The following PAPPA2 variants were observed in gnomAD, a reference collection of about 807,000 sequenced individuals.
The protein encoded by PAPPA2 is pappalysin-2.
PAPPA2 carries 86 observed loss-of-function variants against 176.4 expected under a neutral mutation model. That is an observed-to-expected ratio of 0.49 (90% confidence interval 0.41 to 0.58). The LOEUF (loss-of-function observed/expected upper bound fraction) is 0.58. Among genes scored for constraint, PAPPA2 ranks in the 20% least tolerant of loss-of-function variants. The probability of loss-of-function intolerance (pLI) is 0.00; values close to 1 mark genes in which losing one functional copy is unlikely to be tolerated. For synonymous variants in PAPPA2, 809 were observed against 852.2 expected (o/e 0.95, Z 0.88); for missense variants, 2,073 against 2,256.9 (o/e 0.92, Z 1.65).
In PAPPA2 at chr1:176,616,885, C is replaced by T. The variant is rs370608401; in HGVS notation, c.1991+21290C>T. 2.1e-4 allele frequency: 94 copies of T among 440,408 alleles called. 1 individual carries two copies. The Middle Eastern group carries it at 2.8e-3, about 13-fold the overall frequency. The allele number at this position is 440,408 out of a possible 1,614,324, so 27.3% of individuals were successfully genotyped here. A position where few individuals can be genotyped will look rare whatever the true frequency, so the allele number is the denominator to read the frequency against. ...AGAAACTGAAGTCGACTTCAATATA[C>T]TCCACTTGAAATTCTCAGTGCTTTG... On this transcript the variant is annotated intron_variant, in intron 3 of 22. Coordinates refer to ENST00000367662, the MANE Select transcript of PAPPA2 (RefSeq NM_020318.3).
chr1:176,623,821 C>CTTTCT (rs1341133601), intron 3 of PAPPA2, among the ~76,000 whole-genome samples: 8 of 48,110 alleles, frequency 1.7e-4, no homozygotes, highest in South Asian at 8.7e-4. Flanking sequence ...TTTCTTTCTT[C>CTTTCT]TCTCTCTCTC....
At chr1:176,776,891 G>GTAT (rs200866954) in intron 17 of PAPPA2, among the ~76,000 whole-genome samples, 2 of 150,902 alleles carry the variant, frequency 1.3e-5, no homozygotes, top group Non-Finnish European at 3.0e-5. Context: ...ATATTTTAGT[G>GTAT]TATTATTATT....
Position 176,789,799 on chromosome 1 carries a change from G to A in PAPPA2, c.4716-10G>A. 12 of 1,608,786 alleles carry A rather than the reference G, an allele frequency of 7.5e-6. No individual in the cohort carries two copies. The highest frequency in any genetic ancestry group is 1.0e-5 in the Non-Finnish European group (12 of 1,177,340). On this transcript the variant is annotated splice_polypyrimidine_tract_variant and intron_variant, in intron 17 of 22. Transcript: ENST00000367662. ...TTCTGATGAGCTATTTTTGTTTTAT[G>A]TTTTATCAGCAAGCTCCTGAAGATA...
intron 14 of PAPPA2, among the ~76,000 whole-genome samples, chr1:176,753,932 T>C (rs569835198): frequency 6.6e-5 from 10 of 151,952 alleles, no homozygotes; most frequent in African/African-American, 2.4e-4. Flanking sequence ...GAGAGGATTC[T>C]GATTCCCCTG....
chr1:176,671,661 CA>C (rs1659009678), intron 4 of PAPPA2, among the ~76,000 whole-genome samples: 1 of 151,890 alleles, frequency 6.6e-6, no homozygotes, highest in Non-Finnish European at 1.5e-5. Flanking sequence ...GGAATCAACC[CA>C]AATGTCCAAC....
At chr1:176,541,720 A>G (rs532594942) in intron 1 of PAPPA2, among the ~76,000 whole-genome samples, 1 of 152,360 alleles carries the variant, frequency 6.6e-6, no homozygotes. Flanking sequence ...TACTCTTTAA[A>G]TATACATTCC....
chr1:176,735,251 G>A (rs1157384554), intron 12 of PAPPA2, among the ~76,000 whole-genome samples: 1 of 152,136 alleles, frequency 6.6e-6, no homozygotes, highest in South Asian at 2.1e-4. Flanking sequence ...ACAAAAAGAA[G>A]GTGATGCCTG....
At chr1:176,656,592 C>A (rs905082305) in intron 3 of PAPPA2, among the ~76,000 whole-genome samples, 1 of 151,802 alleles carries the variant, frequency 6.6e-6, no homozygotes, top group African/African-American at 2.4e-5. Flanking sequence ...GTAACTGGAG[C>A]GGACATGATG....
intron 3 of PAPPA2, among the ~76,000 whole-genome samples, chr1:176,614,433 A>C (rs1364423424): frequency 1.3e-5 from 2 of 152,180 alleles, no homozygotes; most frequent in Non-Finnish European, 2.9e-5. Flanking sequence ...CAGTTATTAC[A>C]TATGAAAACC....
At chr1:176,763,095 A>G (rs1396400379) in intron 14 of PAPPA2, among the ~76,000 whole-genome samples, 1 of 152,200 alleles carries the variant, frequency 6.6e-6, no homozygotes, top group Admixed American at 6.5e-5. Flanking sequence ...AATTATTTCA[A>G]GGTAGTATGT....
At chr1:176,577,223 A>G (rs1159401916) in intron 2 of PAPPA2, among the ~76,000 whole-genome samples, 1 of 152,028 alleles carries the variant, frequency 6.6e-6, no homozygotes, top group East Asian at 1.9e-4. Context: ...CTTATCCCCC[A>G]TCTCACCATT....
intron 2 of PAPPA2, among the ~76,000 whole-genome samples, chr1:176,561,190 A>G (rs922061476): frequency 2.6e-5 from 4 of 152,248 alleles, no homozygotes; most frequent in African/African-American, 9.6e-5. Flanking sequence ...AAATGGAAAA[A>G]GGAGAAAAAT....
At chr1:176,660,860 T>A (rs1338935784) in intron 3 of PAPPA2, among the ~76,000 whole-genome samples, 1 of 152,142 alleles carries the variant, frequency 6.6e-6, no homozygotes, top group Non-Finnish European at 1.5e-5. Flanking sequence ...GCATTGAAAA[T>A]ATTTCTGGGA....
chr1:176,819,262 G>T (rs774429341), intron 21 of PAPPA2, among the ~76,000 whole-genome samples: 6 of 152,112 alleles, frequency 3.9e-5, no homozygotes, highest in Non-Finnish European at 8.8e-5. Context: ...AGTAAAGTTG[G>T]CAAGAGATCC....
chr1:176,639,297 TAGAC>T (rs967000748), intron 3 of PAPPA2, among the ~76,000 whole-genome samples: 1 of 152,076 alleles, frequency 6.6e-6, no homozygotes. Flanking sequence ...GGGAAGCTCT[TAGAC>T]AGAGAAGCAT....
intron 11 of PAPPA2, among the ~76,000 whole-genome samples, chr1:176,710,953 G>T (rs1291777274): frequency 6.6e-6 from 1 of 152,122 alleles, no homozygotes; most frequent in African/African-American, 2.4e-5. Context: ...CATGGCTGCA[G>T]TTCTCCTAGG....
rs1295939353 is a variant in PAPPA2 at position 176,623,691 on chromosome 1, CTCTT to C, written c.1991+28099_1991+28102del. Reference sequence around the variant, plus strand: ...TCTTTTTCTTTCTTTCTTTCTCTCTCTCTTTCCTTTCTTTCTTTTCTTCTTTCTT... The same window carrying C: ...TCTTTTTCTTTCTTTCTTTCTCTCTCTCCTTTCTTTCTTTTCTTCTTTCTT... On this transcript the variant is annotated intron_variant, in intron 3 of 22. Transcript: ENST00000367662. Among the ~76,000 whole-genome samples the C allele has an allele frequency of 5.8e-5, 7 of 120,460 alleles. No homozygotes were observed. In the East Asian group the frequency reaches 1.3e-3, roughly 23 times the overall value. 79.0% of individuals were successfully genotyped at this position (120,460 alleles called of 152,430 possible).
intron 1 of PAPPA2, among the ~76,000 whole-genome samples, chr1:176,489,050 C>A (rs1461054608): frequency 1.3e-5 from 2 of 152,168 alleles, no homozygotes; most frequent in African/African-American, 4.8e-5. Context: ...CTGTGGATCA[C>A]CACCCATACT....
intron 4 of PAPPA2, among the ~76,000 whole-genome samples, chr1:176,686,755 C>T (rs1478012842): frequency 6.6e-6 from 1 of 152,154 alleles, no homozygotes. Context: ...AGCCTGCCTG[C>T]ATGTTAGCTC....
Sources: gnomAD v4.1 joint callset for allele counts (sites outside exome capture counted in the v4.1 genomes callset) on GRCh38, gnomAD v4.1.1 for gene constraint, MANE v1.5 for transcripts, NCBI Gene and HGNC (gene_info 2026-07-23, HGNC 2026-07-21) for gene names.